Variants in FHOD3 observed in about 807,000 individuals in gnomAD.
FHOD3 encodes the protein formin homology 2 domain containing 3.
A neutral mutation model predicts 173.0 loss-of-function variants in FHOD3; 90 were observed. That is an observed-to-expected ratio of 0.52 (90% CI 0.44 to 0.62). The LOEUF (loss-of-function observed/expected upper bound fraction) is 0.62, where lower values mean the gene tolerates loss of function less well. Ranked by LOEUF, FHOD3 falls within the 20% of genes least tolerant of loss-of-function variation. The pLI is 0.00. For synonymous variants in FHOD3, 828 were observed against 823.0 expected (o/e 1.01, Z -0.10); for missense variants, 1,945 against 2,034.7 (o/e 0.96, Z 0.85).
intron 6 of FHOD3, among the ~76,000 whole-genome samples, chr18:36,591,136 C>G (rs985056884): frequency 6.6e-6 from 1 of 152,210 alleles, no homozygotes; most frequent in Admixed American, 6.5e-5. Context: ...ACTCGTGATG[C>G]CATACCTTCT....
Position 36,718,683 on chromosome 18 carries a change from G to A in FHOD3, c.3385G>A (p.Glu1129Lys), listed in dbSNP as rs1310022477. ...VDTSRLEHLF[E>K]SKSKELSVSK... Reference sequence around the variant, plus strand: ...CACTTCCAGACTGGAGCACCTGTTTGAGTCTAAATCCAAGGAACTGTCTGT... The same window carrying A: ...CACTTCCAGACTGGAGCACCTGTTTAAGTCTAAATCCAAGGAACTGTCTGT... The change falls in exon 19 of 29, where the codon GAG becomes AAG. Residue 1129 changes from glutamate to lysine, a missense_variant. Transcript: ENST00000590592. 3.1e-6 allele frequency: 5 copies of A among 1,613,916 alleles called. No individual in the cohort carries two copies. The highest frequency in any genetic ancestry group is 4.2e-6 in the Non-Finnish European group (5 of 1,179,964).
intron 10 of FHOD3, among the ~76,000 whole-genome samples, chr18:36,630,800 T>C (rs1378858942): frequency 6.6e-6 from 1 of 152,208 alleles, no homozygotes; most frequent in Non-Finnish European, 1.5e-5. Context: ...CATATAAGAA[T>C]TGCTAATTTT....
chr18:36,383,484 A>G (rs72886027), intron 3 of FHOD3, among the ~76,000 whole-genome samples: 8,098 of 152,304 alleles, frequency 0.053, 309 homozygotes, highest in East Asian at 0.2. Flanking sequence ...ACTAGATTCA[A>G]ATAGGGTTGG....
intron 9 of FHOD3, among the ~76,000 whole-genome samples, chr18:36,618,592 G>A (rs572294879): frequency 5.3e-5 from 8 of 152,240 alleles, no homozygotes; most frequent in South Asian, 2.1e-4. Context: ...GATTACAGGC[G>A]TGAGCCACCG....
At chr18:36,766,777 T>C in intron 27 of FHOD3, among the ~76,000 whole-genome samples, 1 of 152,182 alleles carries the variant, frequency 6.6e-6, no homozygotes, top group East Asian at 1.9e-4. Context: ...TTGTGTAAGA[T>C]GGAAAAGTAT....
intron 24 of FHOD3, among the ~76,000 whole-genome samples, chr18:36,752,816 C>T (rs2042461052): frequency 6.6e-6 from 1 of 152,146 alleles, no homozygotes; most frequent in Admixed American, 6.5e-5. Context: ...AAATAGGACC[C>T]AGAATGTTAA....
intron 3 of FHOD3, among the ~76,000 whole-genome samples, chr18:36,481,793 T>TC (rs2053913422): frequency 6.6e-6 from 1 of 152,164 alleles, no homozygotes. Flanking sequence ...TAAAAGACAT[T>TC]CCTTTGCCTC....
At chr18:36,431,515 A>G (rs2050550004) in intron 3 of FHOD3, among the ~76,000 whole-genome samples, 1 of 152,166 alleles carries the variant, frequency 6.6e-6, no homozygotes, top group Non-Finnish European at 1.5e-5. Context: ...TTGTGGGTAG[A>G]GGTTGCTGGT....
At chr18:36,764,173 GGAGA>G (rs1160807564) in intron 27 of FHOD3, among the ~76,000 whole-genome samples, 1 of 152,170 alleles carries the variant, frequency 6.6e-6, no homozygotes, top group Non-Finnish European at 1.5e-5. Flanking sequence ...GGAAGTGATT[GGAGA>G]GAGAGTGTGT....
At chr18:36,695,542 G>GA (rs942448120) in intron 17 of FHOD3, among the ~76,000 whole-genome samples, 35 of 152,114 alleles carry the variant, frequency 2.3e-4, no homozygotes, top group East Asian at 1.5e-3. Flanking sequence ...TTTTTTCCTG[G>GA]AAAAAAGTCA....
intron 1 of FHOD3, among the ~76,000 whole-genome samples, chr18:36,328,921 C>A: frequency 6.6e-6 from 1 of 152,102 alleles, no homozygotes; most frequent in East Asian, 1.9e-4. Flanking sequence ...GTACAGATGT[C>A]AAATAGGCCA....
At chr18:36,325,905 A>T (rs535461411) in intron 1 of FHOD3, among the ~76,000 whole-genome samples, 1 of 152,366 alleles carries the variant, frequency 6.6e-6, no homozygotes, top group African/African-American at 2.4e-5. Flanking sequence ...AGCAGGCAAG[A>T]ATTCCATTGT....
At chr18:36,548,974 C>T (rs549770560) in intron 5 of FHOD3, among the ~76,000 whole-genome samples, 1 of 152,314 alleles carries the variant, frequency 6.6e-6, no homozygotes, top group Admixed American at 6.5e-5. Flanking sequence ...AGGTAGGTAT[C>T]TGTTTAGCTT....
At chr18:36,692,073 C>T (rs1198556707) in intron 16 of FHOD3, among the ~76,000 whole-genome samples, 1 of 152,172 alleles carries the variant, frequency 6.6e-6, no homozygotes, top group Non-Finnish European at 1.5e-5. Context: ...GATGTGCATG[C>T]AAGTGTGGTC....
chr18:36,705,546 T>G (rs2039828502), intron 17 of FHOD3, among the ~76,000 whole-genome samples: 1 of 152,228 alleles, frequency 6.6e-6, no homozygotes, highest in Admixed American at 6.5e-5. Flanking sequence ...GGTTTCCCTG[T>G]GCCCACTGGT....
chr18:36,363,952 AAAAC>A (rs2046760204), intron 2 of FHOD3, among the ~76,000 whole-genome samples: 1 of 152,188 alleles, frequency 6.6e-6, no homozygotes, highest in South Asian at 2.1e-4. Context: ...ATTTTTCTAT[AAAAC>A]AAAAGCCACT....
At chr18:36,664,683 C>T (rs912988471) in intron 14 of FHOD3, among the ~76,000 whole-genome samples, 2 of 151,932 alleles carry the variant, frequency 1.3e-5, no homozygotes, top group Non-Finnish European at 2.9e-5. Context: ...TTCCTACTCC[C>T]ATCTTTGCCA....
At chr18:36,726,423 T>C (rs1471679451) in intron 19 of FHOD3, among the ~76,000 whole-genome samples, 2 of 152,150 alleles carry the variant, frequency 1.3e-5, no homozygotes, top group African/African-American at 4.8e-5. Context: ...GAGGCATTGC[T>C]TCCTCTCCTG....
chr18:36,773,111 C>T lies in FHOD3; in HGVS notation c.4786+3685C>T, dbSNP rs116270961. 6.1e-3 allele frequency among the ~76,000 whole-genome samples: 924 copies of T among 152,332 alleles called. 10 individuals carry two copies. Among genetic ancestry groups the T allele is most frequent in the African/African-American group, 0.021 (855 of 41,564 alleles). ...ACACTGATATGCTAAGTCAGAAAGTCGGGACTCAGGTGGAAGCCTCGGGGT... is the reference window on the plus strand; with the variant it reads ...ACACTGATATGCTAAGTCAGAAAGTTGGGACTCAGGTGGAAGCCTCGGGGT... On this transcript the variant is annotated intron_variant, in intron 28 of 28. Coordinates refer to ENST00000590592, the MANE Select transcript of FHOD3 (RefSeq NM_001281740.3).
Sources: gnomAD v4.1 joint callset for allele counts (sites outside exome capture counted in the v4.1 genomes callset) on GRCh38, gnomAD v4.1.1 for gene constraint, MANE v1.5 for transcripts, NCBI Gene and HGNC (gene_info 2026-07-23, HGNC 2026-07-21) for gene names.